Variants in PAN3 observed in about 807,000 individuals in gnomAD.
PAN3 encodes PAN2-PAN3 deadenylation complex subunit PAN3.
Under a neutral mutation model 96.2 loss-of-function variants are expected in PAN3, and 19 were observed. That is an observed-to-expected ratio of 0.20 (90% confidence interval 0.14 to 0.29). PAN3 has a LOEUF of 0.29. PAN3 is among the 10% of genes least tolerant of loss of function. PAN3 has a pLI of 1.00. For synonymous variants in PAN3, 433 were observed against 406.6 expected (o/e 1.06, Z -0.78); for missense variants, 882 against 1,108.1 (o/e 0.80, Z 2.90).
chr13:28,144,203 G>GTTTT (rs1447465484), intron 1 of PAN3, among the ~76,000 whole-genome samples: 31 of 129,018 alleles, frequency 2.4e-4, no homozygotes, highest in African/African-American at 8.8e-4. Context: ...GTTTCGATAA[G>GTTTT]TTTTTTTGTT....
intron 6 of PAN3, among the ~76,000 whole-genome samples, chr13:28,255,620 T>G (rs1490507102): frequency 1.3e-5 from 2 of 152,184 alleles, no homozygotes; most frequent in Non-Finnish European, 2.9e-5. Context: ...TTGGCCTAAT[T>G]CTAAATAGTA....
At chr13:28,274,477 AGAAACCC>A (rs1447003930) in intron 14 of PAN3, among the ~76,000 whole-genome samples, 1 of 151,768 alleles carries the variant, frequency 6.6e-6, no homozygotes, top group Non-Finnish European at 1.5e-5. Flanking sequence ...GTAAGTATCT[AGAAACCC>A]GTGTCTGCAT....
intron 6 of PAN3, among the ~76,000 whole-genome samples, chr13:28,225,373 CA>C (rs1444731900): frequency 6.6e-6 from 1 of 151,968 alleles, no homozygotes; most frequent in Non-Finnish European, 1.5e-5. Flanking sequence ...AGTTCTGTGC[CA>C]AAAAACAAAA....
At chr13:28,150,406 A>G (rs1191009886) in intron 1 of PAN3, among the ~76,000 whole-genome samples, 1 of 152,096 alleles carries the variant, frequency 6.6e-6, no homozygotes, top group Non-Finnish European at 1.5e-5. Flanking sequence ...CGGGCAGATC[A>G]TGAGGTCAGG....
At chr13:28,224,252 T>C (rs902571145) in intron 6 of PAN3, among the ~76,000 whole-genome samples, 7 of 152,216 alleles carry the variant, frequency 4.6e-5, no homozygotes, top group African/African-American at 1.7e-4. Context: ...ATAGTAGACA[T>C]AGTTAACTAA....
chr13:28,144,731 T>C (rs866849104), intron 1 of PAN3, among the ~76,000 whole-genome samples: 8,370 of 148,632 alleles, frequency 0.056, 384 homozygotes, highest in Non-Finnish European at 0.083. Context: ...TTTTTTTTTT[T>C]TTTTTTTTCC....
intron 4 of PAN3, among the ~76,000 whole-genome samples, chr13:28,194,502 GCTTTGTCACC>G (rs1877767072): frequency 9.1e-6 from 1 of 109,290 alleles, no homozygotes; most frequent in South Asian, 2.8e-4. Flanking sequence ...ACGGAGTCTT[GCTTTGTCACC>G]CAGGCTGGAG....
At chr13:28,240,465 T>C (rs1279038626) in intron 6 of PAN3, among the ~76,000 whole-genome samples, 2 of 152,184 alleles carry the variant, frequency 1.3e-5, no homozygotes, top group Non-Finnish European at 2.9e-5. Flanking sequence ...TATAAATGTA[T>C]AAATTTTATT....
chr13:28,274,194 T>A (rs1216484074), intron 14 of PAN3, among the ~76,000 whole-genome samples: 1 of 152,214 alleles, frequency 6.6e-6, no homozygotes. Context: ...AGCATCATTC[T>A]GTTCTTCTGC....
chr13:28,259,068 T>C (rs953069501), intron 7 of PAN3, among the ~76,000 whole-genome samples: 3 of 152,146 alleles, frequency 2.0e-5, no homozygotes, highest in Non-Finnish European at 4.4e-5. Context: ...AAAGAGCTAC[T>C]TTTATCTTCT....
chr13:28,141,796 C>G (rs1400661597), intron 1 of PAN3, among the ~76,000 whole-genome samples: 1 of 151,992 alleles, frequency 6.6e-6, no homozygotes, highest in Admixed American at 6.6e-5. Flanking sequence ...GGTAGAAGGG[C>G]TGAGACTTGA....
At chr13:28,158,835 G>A (rs111563907) in intron 1 of PAN3, among the ~76,000 whole-genome samples, 9,640 of 150,618 alleles carry the variant, frequency 0.064, 1,026 homozygotes, top group African/African-American at 0.22. Context: ...TGGATATCGC[G>A]CCACTGCACT....
At chr13:28,177,981 T>G in intron 4 of PAN3, 46 bp downstream of exon 4, 1 of 1,518,464 alleles carries the variant, frequency 6.6e-7, no homozygotes, top group Non-Finnish European at 9.1e-7. Context: ...AATTTAGAAG[T>G]GATGTTGGCA....
At chr13:28,244,580 G>A (rs927405566) in intron 6 of PAN3, among the ~76,000 whole-genome samples, 2 of 151,848 alleles carry the variant, frequency 1.3e-5, no homozygotes, top group Non-Finnish European at 2.9e-5. Flanking sequence ...ATTTGAGATC[G>A]GTTTTGGTGT....
chr13:28,220,283 G>A lies in PAN3; in HGVS notation c.905G>A (p.Arg302Lys), dbSNP rs1300646881. ...EFIPKGGSTS[R>K]LSNVSQSNMS... ...ATTCCTAAAGGAGGATCAACCTCCA[G>A]GCTGAGTAACGTGTCCCAGTCAAAT... Residue 302 changes from arginine to lysine, a missense_variant, in exon 6 of 19, where the codon AGG becomes AAG. Transcript: ENST00000380958. 1 of 1,613,668 alleles carries A rather than the reference G, an allele frequency of 6.2e-7. No homozygotes were observed. The highest frequency in any genetic ancestry group is 1.3e-5 in the African/African-American group (1 of 74,916).
intron 7 of PAN3, among the ~76,000 whole-genome samples, chr13:28,257,826 T>A (rs1885340808): frequency 6.9e-6 from 1 of 144,780 alleles, no homozygotes; most frequent in South Asian, 2.1e-4. Context: ...ATATATATAT[T>A]TTTTGAGATG....
chr13:28,169,389 C>T (rs1874012420), intron 1 of PAN3, among the ~76,000 whole-genome samples: 1 of 151,468 alleles, frequency 6.6e-6, no homozygotes, highest in Non-Finnish European at 1.5e-5. Context: ...ACCACCACGC[C>T]TGGCTAATGC....
intron 6 of PAN3, among the ~76,000 whole-genome samples, chr13:28,220,927 A>G (rs1881337504): frequency 6.6e-6 from 1 of 152,176 alleles, no homozygotes; most frequent in African/African-American, 2.4e-5. Context: ...GTAGAGAAAA[A>G]CACTTTTTAG....
intron 5 of PAN3, among the ~76,000 whole-genome samples, chr13:28,212,508 G>T (rs953957407): frequency 5.3e-5 from 8 of 152,080 alleles, no homozygotes; most frequent in Admixed American, 6.6e-5. Context: ...ATAAAGAAAA[G>T]AAAATGTAAT....
Sources: gnomAD v4.1 joint callset for allele counts (sites outside exome capture counted in the v4.1 genomes callset) on GRCh38, gnomAD v4.1.1 for gene constraint, MANE v1.5 for transcripts, NCBI Gene and HGNC (gene_info 2026-07-23, HGNC 2026-07-21) for gene names.